The following CTNND2 variants were observed in gnomAD, a reference collection of about 807,000 sequenced individuals.
The protein encoded by CTNND2 is catenin delta 2, also known as catenin delta-2.
A neutral mutation model predicts 144.4 loss-of-function variants in CTNND2; 22 were observed. The ratio of observed to expected loss-of-function variants is 0.15; its 90% confidence interval spans 0.11 to 0.22. The LOEUF is 0.22. CTNND2 is among the 10% of genes least tolerant of loss of function. The pLI is 1.00. For synonymous variants in CTNND2, 751 were observed against 695.6 expected (o/e 1.08, Z -1.25); for missense variants, 1,353 against 1,618.8 (o/e 0.84, Z 2.82).
intron 13 of CTNND2, among the ~76,000 whole-genome samples, chr5:11,113,049 G>A (rs1270770511): frequency 6.6e-6 from 1 of 152,146 alleles, no homozygotes; most frequent in African/African-American, 2.4e-5. Flanking sequence ...GCTAAGGCAG[G>A]AGAATGGTGT....
chr5:11,439,744 CTATCT>C (rs1764082698), intron 3 of CTNND2, among the ~76,000 whole-genome samples: 1 of 9,876 alleles, frequency 1.0e-4, no homozygotes, highest in Admixed American at 1.8e-3. Context: ...CTAGCTATAT[CTATCT>C]ATCTATCTAT....
At chr5:11,123,191 C>T (rs1580348143) in intron 12 of CTNND2, among the ~76,000 whole-genome samples, 1 of 152,150 alleles carries the variant, frequency 6.6e-6, no homozygotes, top group Non-Finnish European at 1.5e-5. Context: ...CTGTAACACA[C>T]GATGTTTGAG....
At chr5:11,508,877 C>A (rs1356870100) in intron 3 of CTNND2, among the ~76,000 whole-genome samples, 1 of 151,474 alleles carries the variant, frequency 6.6e-6, no homozygotes, top group South Asian at 2.1e-4. Context: ...CACCACTGCA[C>A]TCCAGCCTGG....
intron 1 of CTNND2, among the ~76,000 whole-genome samples, chr5:11,850,638 C>T (rs1039048158): frequency 2.6e-5 from 4 of 152,152 alleles, no homozygotes; most frequent in Non-Finnish European, 5.9e-5. Flanking sequence ...ATCCATTCTG[C>T]TACTGAGCCA....
intron 1 of CTNND2, among the ~76,000 whole-genome samples, chr5:11,892,159 G>A (rs1248422253): frequency 1.3e-5 from 2 of 152,142 alleles, no homozygotes; most frequent in Non-Finnish European, 2.9e-5. Context: ...TGCACATGCA[G>A]CTTAGCTTGT....
chr5:11,240,560 T>C lies in CTNND2; in HGVS notation c.1629-3737A>G, dbSNP rs111161381. Among the ~76,000 whole-genome samples, 135 of 16,580 alleles carry C rather than the reference T, an allele frequency of 8.1e-3. 4 individuals are homozygous for C. Among genetic ancestry groups the C allele is most frequent in the East Asian group, 0.01 (5 of 488 alleles). 10.9% of individuals were successfully genotyped at this position (16,580 alleles called of 152,430 possible). A position where few individuals can be genotyped will look rare whatever the true frequency, so the allele number is the denominator to read the frequency against. On this transcript the variant is annotated intron_variant, in intron 9 of 21. Transcript: ENST00000304623. ...CAACACACACACCCAACACACACACTCAAAACACACACCCAACACACACAT... is the reference window on the plus strand; with the variant it reads ...CAACACACACACCCAACACACACACCCAAAACACACACCCAACACACACAT...
chr5:11,007,607 A>C lies in CTNND2; in HGVS notation c.3084+10367T>G, dbSNP rs12054707. 1.5e-4 allele frequency among the ~76,000 whole-genome samples: 23 copies of C among 152,402 alleles called. No homozygotes were observed. In the East Asian group the frequency reaches 4.0e-3, roughly 27 times the overall value. ...TACAAAACGGAGTCTGAAAACGTAC[A>C]GTTCTCTTTCCATCGAACTGGCTGG... is the stretch of plus-strand genomic sequence containing the variant. On this transcript the variant is annotated intron_variant, in intron 18 of 21. Transcript: ENST00000304623.
chr5:11,627,261 A>C (rs1456395279), intron 2 of CTNND2, among the ~76,000 whole-genome samples: 1 of 152,170 alleles, frequency 6.6e-6, no homozygotes, highest in Non-Finnish European at 1.5e-5. Context: ...CACTTCTGAT[A>C]ATTCTTCAAG....
intron 9 of CTNND2, among the ~76,000 whole-genome samples, chr5:11,298,163 C>T (rs1749213962): frequency 6.6e-6 from 1 of 152,062 alleles, no homozygotes; most frequent in Non-Finnish European, 1.5e-5. Flanking sequence ...AAATAAATGG[C>T]TGTCTTTTAT....
chr5:11,445,565 T>G (rs889511922), intron 3 of CTNND2, among the ~76,000 whole-genome samples: 14 of 152,168 alleles, frequency 9.2e-5, no homozygotes, highest in African/African-American at 3.1e-4. Flanking sequence ...TGCCACCAGC[T>G]CTGCGTGCTT....
At chr5:11,351,226 T>C (rs1322027603) in intron 8 of CTNND2, among the ~76,000 whole-genome samples, 3 of 152,222 alleles carry the variant, frequency 2.0e-5, no homozygotes, top group Admixed American at 1.3e-4. Flanking sequence ...CTTGTAGGAT[T>C]ACTCTATCCA....
intron 1 of CTNND2, among the ~76,000 whole-genome samples, chr5:11,842,376 G>A (rs1315969687): frequency 3.3e-5 from 5 of 152,108 alleles, no homozygotes; most frequent in Non-Finnish European, 1.5e-5. Context: ...CAAAGTGCAA[G>A]AATAATATGG....
chr5:11,021,737 T>A (rs1742276984), intron 17 of CTNND2, among the ~76,000 whole-genome samples: 1 of 151,912 alleles, frequency 6.6e-6, no homozygotes, highest in Admixed American at 6.6e-5. Flanking sequence ...GAGACAGAAT[T>A]TCCAGAAAGT....
intron 2 of CTNND2, among the ~76,000 whole-genome samples, chr5:11,694,686 G>C (rs530024320): frequency 2.0e-5 from 3 of 152,160 alleles, no homozygotes; most frequent in Admixed American, 6.5e-5. Context: ...CAAATACTGA[G>C]GATGGATTGT....
intron 1 of CTNND2, among the ~76,000 whole-genome samples, chr5:11,848,526 G>A (rs1291605438): frequency 1.7e-5 from 2 of 118,856 alleles, no homozygotes; most frequent in African/African-American, 3.2e-5. Flanking sequence ...GAAATTTGGT[G>A]TGTCACAGAA....
chr5:11,712,025 T>C (rs1456887434), intron 2 of CTNND2, among the ~76,000 whole-genome samples: 1 of 152,232 alleles, frequency 6.6e-6, no homozygotes, highest in African/African-American at 2.4e-5. Context: ...ATTTGTGTAA[T>C]GTTGGATAAA....
At position 11,867,974 on chromosome 5, in the gene CTNND2, A is replaced by T. The variant is rs190172252; in HGVS notation, c.37+35843T>A. Among the ~76,000 whole-genome samples the T allele has an allele frequency of 1.3e-4, 19 of 151,752 alleles. 1 individual carries two copies. The East Asian group carries it at 3.5e-3, about 28-fold the overall frequency. ...AATTATCATGGAGCTAGTTCCCTAC[A>T]CTTCACCTCAGTGCTCTTTTGTCAA... On this transcript the variant is annotated intron_variant, in intron 1 of 21. Transcript: ENST00000304623.
chr5:11,739,227 C>A (rs1423773183), intron 1 of CTNND2, among the ~76,000 whole-genome samples: 1 of 152,118 alleles, frequency 6.6e-6, no homozygotes, highest in Non-Finnish European at 1.5e-5. Flanking sequence ...CCATCTGCAG[C>A]TGAATCCAGG....
chr5:11,819,371 G>T (rs1298156166), intron 1 of CTNND2, among the ~76,000 whole-genome samples: 1 of 152,124 alleles, frequency 6.6e-6, no homozygotes, highest in South Asian at 2.1e-4. Context: ...GAGGCAAGAG[G>T]TGGCAGTAAG....
Sources: allele counts gnomAD v4.1 joint callset (sites outside exome capture counted in the v4.1 genomes callset), GRCh38; gene constraint gnomAD v4.1.1; transcripts MANE v1.5; gene names NCBI Gene and HGNC (gene_info 2026-07-23, HGNC 2026-07-21).